The following PCSK1 variants were observed in gnomAD, a reference collection of about 807,000 sequenced individuals.
PCSK1 encodes neuroendocrine convertase 1.
PCSK1 carries 56 observed loss-of-function variants against 90.6 expected under a neutral mutation model. That is an observed-to-expected ratio of 0.62 (90% CI 0.50 to 0.77). The LOEUF (loss-of-function observed/expected upper bound fraction) is 0.77, where lower values mean the gene tolerates loss of function less well. PCSK1 is among the 30% of genes least tolerant of loss of function. The pLI is 0.00. For synonymous variants in PCSK1, 348 were observed against 342.4 expected (o/e 1.02, Z -0.18); for missense variants, 801 against 932.6 (o/e 0.86, Z 1.84).
intron 9 of PCSK1, among the ~76,000 whole-genome samples, 198 bp downstream of exon 9, chr5:96,408,025 T>G (rs1237865829): frequency 6.6e-6 from 1 of 152,216 alleles, no homozygotes; most frequent in Non-Finnish European, 1.5e-5. Flanking sequence ...AGATCCCAAT[T>G]TTGTAAGATG....
chr5:96,398,838 A>T (rs1307795628), intron 11 of PCSK1, 41 bp downstream of exon 11: 1 of 1,501,968 alleles, frequency 6.7e-7, no homozygotes, highest in East Asian at 2.3e-5. Flanking sequence ...CATTCAACTT[A>T]CACTTAAAAA....
chr5:96,412,752 G>GTTTTTTTTT (rs57397343), intron 6 of PCSK1, among the ~76,000 whole-genome samples: 26 of 71,796 alleles, frequency 3.6e-4, no homozygotes, highest in African/African-American at 8.1e-4. Flanking sequence ...CAGCTGTGAT[G>GTTTTTTTTT]TTTTTTTTTT....
At chr5:96,419,291 G>GTA (rs931201105) in intron 5 of PCSK1, among the ~76,000 whole-genome samples, 2 of 144,514 alleles carry the variant, frequency 1.4e-5, no homozygotes, top group African/African-American at 5.2e-5. Context: ...GAGTTTATAT[G>GTA]TATATATATA....
At chr5:96,432,814 G>C (rs1237858086) in intron 1 of PCSK1, 49 bp downstream of exon 1, 1 of 1,527,690 alleles carries the variant, frequency 6.5e-7, no homozygotes, top group East Asian at 2.3e-5. Context: ...CTCCAGTCCC[G>C]CCAGTCCCCT....
intron 4 of PCSK1, 135 bp downstream of exon 4, chr5:96,423,178 G>A: frequency 1.3e-6 from 1 of 797,032 alleles, no homozygotes; most frequent in Non-Finnish European, 2.2e-6. Flanking sequence ...GGAAGTGGGA[G>A]AAGGGACATA....
At chr5:96,397,824 TAATG>T (rs551281040) in intron 11 of PCSK1, among the ~76,000 whole-genome samples, 49 of 152,248 alleles carry the variant, frequency 3.2e-4, no homozygotes, top group African/African-American at 1.2e-3. Context: ...AAAAATATTT[TAATG>T]AAACTATCAT....
chr5:96,414,095 C>T lies in PCSK1; in HGVS notation c.710-1605G>A, dbSNP rs1209585750. Among the ~76,000 whole-genome samples the T allele has an allele frequency of 3.5e-5, 5 of 143,166 alleles. No individual in the cohort carries two copies. The East Asian group carries it at 6.3e-4, about 18-fold the overall frequency. 93.9% of individuals were successfully genotyped at this position (143,166 alleles called of 152,430 possible). ...CGGAGCTTGCAGTGAGCCGAGATCGCGCCACTGCACTCCAGCCTGGGCGAC... is the reference window on the plus strand; with the variant it reads ...CGGAGCTTGCAGTGAGCCGAGATCGTGCCACTGCACTCCAGCCTGGGCGAC... On this transcript the variant is annotated intron_variant, in intron 6 of 13. Transcript: ENST00000311106.
At chr5:96,398,711 G>A (rs890439848) in intron 11 of PCSK1, among the ~76,000 whole-genome samples, 168 bp downstream of exon 11, 41 of 152,048 alleles carry the variant, frequency 2.7e-4, no homozygotes, top group African/African-American at 9.2e-4. Flanking sequence ...AATGGGCAGG[G>A]CAGAGGGAGA....
chr5:96,403,238 T>C (rs773698264), intron 9 of PCSK1, among the ~76,000 whole-genome samples: 6 of 152,226 alleles, frequency 3.9e-5, no homozygotes, highest in African/African-American at 1.4e-4. Flanking sequence ...AGCTTCATTG[T>C]CATGCAATTA....
At position 96,400,137 on chromosome 5, in the gene PCSK1, C is replaced by G; in HGVS notation, c.1246G>C (p.Glu416Gln). The G allele has an allele frequency of 6.2e-7, 1 of 1,614,174 alleles. No homozygotes were observed. The highest frequency in any genetic ancestry group is 8.5e-7 in the Non-Finnish European group (1 of 1,180,002). Residue 416 changes from glutamate (E) to glutamine (Q), a missense_variant, in exon 10 of 14, where the codon GAG becomes CAG. By Grantham distance (29) the Glu-to-Gln change is conservative. Coordinates refer to ENST00000311106, the MANE Select transcript of PCSK1 (RefSeq NM_000439.5). The stretch of plus-strand genomic sequence containing the variant: ...GGGTTATTGGCCAGCGGGTCATACT[C>G]AGAGGTCCAGACAACCAGGTGCTGC... ...DMQHLVVWTS[E>Q]YDPLANNPGW...
chr5:96,409,049 C>T (rs1478594450), intron 8 of PCSK1, among the ~76,000 whole-genome samples: 1 of 152,136 alleles, frequency 6.6e-6, no homozygotes, highest in Non-Finnish European at 1.5e-5. Context: ...CGAGACTTAC[C>T]CGAGATGTTC....
At chr5:96,409,744 A>G (rs982014960) in intron 8 of PCSK1, among the ~76,000 whole-genome samples, 2 of 152,166 alleles carry the variant, frequency 1.3e-5, no homozygotes, top group East Asian at 1.9e-4. Context: ...ACCCTTTAAA[A>G]TGTGCCTGCC....
At chr5:96,396,952 G>T (rs577210440) in intron 12 of PCSK1, among the ~76,000 whole-genome samples, 1 of 152,328 alleles carries the variant, frequency 6.6e-6, no homozygotes, top group South Asian at 2.1e-4. Context: ...ATGCCTTTAA[G>T]ATGTGACTCT....
intron 1 of PCSK1, among the ~76,000 whole-genome samples, chr5:96,430,824 A>ATG: frequency 6.6e-6 from 1 of 152,130 alleles, no homozygotes; most frequent in East Asian, 1.9e-4. Flanking sequence ...GTTTTCCCCC[A>ATG]CTATTTGTTA....
chr5:96,433,066 G>A lies in PCSK1; in HGVS notation c.-24C>T, dbSNP rs764273463. ...ATAGCTCACACACTCGCTTGAACAA[G>A]AGTGGGAAGGGAAGAGGAAAAAGAA... On this transcript the variant is annotated 5_prime_UTR_variant, in exon 1 of 14. Transcript: ENST00000311106. The A allele has an allele frequency of 3.1e-6, 5 of 1,609,898 alleles. No individual in the cohort carries two copies. Among genetic ancestry groups the A allele is most frequent in the South Asian group, 1.1e-5 (1 of 90,990 alleles).
At chr5:96,419,031 G>T (rs1761026414) in intron 5 of PCSK1, among the ~76,000 whole-genome samples, 1 of 151,860 alleles carries the variant, frequency 6.6e-6, no homozygotes, top group South Asian at 2.1e-4. Flanking sequence ...CAGTGTCCAA[G>T]CCATATATAT....
chr5:96,432,545 T>G (rs1761539877), intron 1 of PCSK1, among the ~76,000 whole-genome samples: 1 of 152,282 alleles, frequency 6.6e-6, no homozygotes, highest in East Asian at 1.9e-4. Flanking sequence ...TATCTCAAGT[T>G]CCCTGAACAA....
chr5:96,397,588 A>G lies in PCSK1; in HGVS notation c.1589-119T>C, dbSNP rs369671486. 19 of 908,368 alleles carry G rather than the reference A, an allele frequency of 2.1e-5. No individual in the cohort carries two copies. The South Asian group carries it at 2.1e-4, about 10-fold the overall frequency. The allele number at this position is 908,368 out of a possible 1,614,324, so 56.3% of individuals were successfully genotyped here. On this transcript the variant is annotated intron_variant, in intron 11 of 13. Transcript: ENST00000311106. ...ATGAGTTCTCCTAATTTTCTCTTTT[A>G]GTATAAGACCAGGATAGAGACACTC...
Position 96,393,490 on chromosome 5 carries a change from G to A in PCSK1, c.1885-112C>T, listed in dbSNP as rs541233437. On this transcript the variant is annotated intron_variant, in intron 13 of 13. Coordinates refer to ENST00000311106, the MANE Select transcript of PCSK1 (RefSeq NM_000439.5). The stretch of plus-strand genomic sequence containing the variant: ...TGCCTGCCGCTTGAGAGGCAATGAG[G>A]GGAGGGGAGAGAGTTCAAGACTGGG... 2.9e-5 allele frequency: 37 copies of A among 1,268,300 alleles called. No homozygotes were observed. In the East Asian group the frequency reaches 5.4e-4, roughly 18 times the overall value. The allele number at this position is 1,268,300 out of a possible 1,614,324, so 78.6% of individuals were successfully genotyped here. A position where few individuals can be genotyped will look rare whatever the true frequency, so the allele number is the denominator to read the frequency against.
Sources: allele counts gnomAD v4.1 joint callset (sites outside exome capture counted in the v4.1 genomes callset), GRCh38; gene constraint gnomAD v4.1.1; transcripts MANE v1.5; gene names NCBI Gene and HGNC (gene_info 2026-07-23, HGNC 2026-07-21).